Variants in PRKN observed in about 807,000 individuals in gnomAD.
PRKN encodes the protein E3 ubiquitin-protein ligase parkin.
In PRKN, 56 loss-of-function variants were observed where a neutral mutation model predicts 59.5. The observed-to-expected ratio is 0.94, with a 90% CI of 0.76 to 1.18. The LOEUF (loss-of-function observed/expected upper bound fraction) is 1.18. Ranked by LOEUF, PRKN falls within the 50% of genes most tolerant of loss-of-function variation. PRKN has a pLI of 0.00. For synonymous variants in PRKN, 250 were observed against 222.1 expected (o/e 1.13, Z -1.12); for missense variants, 657 against 596.4 (o/e 1.10, Z -1.06).
At chr6:162,462,033 T>C (rs1791203145) in intron 1 of PRKN, among the ~76,000 whole-genome samples, 1 of 151,838 alleles carries the variant, frequency 6.6e-6, no homozygotes, top group Admixed American at 6.6e-5. Flanking sequence ...AGCCATGAGG[T>C]TGTCAGTATT....
intron 2 of PRKN, among the ~76,000 whole-genome samples, chr6:162,337,959 T>C (rs1452587856): frequency 1.3e-5 from 2 of 152,144 alleles, no homozygotes; most frequent in Non-Finnish European, 2.9e-5. Flanking sequence ...TATTTCATTA[T>C]AACATATTAT....
chr6:162,223,661 A>ACACACACACACAC lies in PRKN; in HGVS notation c.413-22410_413-22409insGTGTGTGTGTGTG, dbSNP rs11452001. 2.7e-3 allele frequency among the ~76,000 whole-genome samples: 165 copies of ACACACACACACAC among 60,792 alleles called. 1 individual carries two copies. The highest frequency in any genetic ancestry group is 0.011 in the African/African-American group (159 of 14,070). 39.9% of individuals were successfully genotyped at this position (60,792 alleles called of 152,430 possible). A position where few individuals can be genotyped will look rare whatever the true frequency, so the allele number is the denominator to read the frequency against. On this transcript the variant is annotated intron_variant, in intron 3 of 11. Coordinates refer to ENST00000366898, the MANE Select transcript of PRKN (RefSeq NM_004562.3). Reference sequence around the variant, plus strand: ...CACACACACACACACACACACACACAAACATAATGCTCCAGAAACAGCACA... The same window carrying ACACACACACACAC: ...CACACACACACACACACACACACACACACACACACACACAACATAATGCTCCAGAAACAGCACA...
intron 4 of PRKN, among the ~76,000 whole-genome samples, chr6:162,197,604 C>G (rs150301485): frequency 1.0e-3 from 153 of 152,236 alleles, no homozygotes; most frequent in African/African-American, 3.5e-3. Context: ...ATTTTTCACT[C>G]CTGGCTTCGA....
chr6:162,449,465 A>G lies in PRKN; in HGVS notation c.8-5992T>C, dbSNP rs148476063. On this transcript the variant is annotated intron_variant, in intron 1 of 11. Transcript: ENST00000366898. ...ATAGCTCAATGTTAAGTGACCTTGC[A>G]TGTGCAATTTCATCTTCATTGGGTT... 2.6e-5 allele frequency among the ~76,000 whole-genome samples: 4 copies of G among 152,322 alleles called. No homozygotes were observed. The East Asian group carries it at 7.7e-4, about 29-fold the overall frequency.
At chr6:162,611,961 G>A (rs10945853) in intron 1 of PRKN, among the ~76,000 whole-genome samples, 4,131 of 151,810 alleles carry the variant, frequency 0.027, 174 homozygotes, top group African/African-American at 0.087. Context: ...CAAGGCGGGC[G>A]TATCATAAGG....
chr6:162,289,889 A>G (rs1389178353), intron 2 of PRKN, among the ~76,000 whole-genome samples: 2 of 152,092 alleles, frequency 1.3e-5, no homozygotes, highest in Non-Finnish European at 2.9e-5. Context: ...GAAAGGAAGA[A>G]CCTTGAATGT....
chr6:161,714,739 C>T (rs759369623), intron 7 of PRKN, among the ~76,000 whole-genome samples: 1 of 152,144 alleles, frequency 6.6e-6, no homozygotes, highest in Non-Finnish European at 1.5e-5. Flanking sequence ...CTCAAATGAA[C>T]ACACAGAGAT....
chr6:162,240,164 G>A (rs574238201), intron 3 of PRKN, among the ~76,000 whole-genome samples: 4 of 152,250 alleles, frequency 2.6e-5, no homozygotes, highest in East Asian at 3.9e-4. Context: ...TCAAGGAGTC[G>A]GGGGAAGCTC....
chr6:161,521,640 A>ACATTTACTAATGTGTAT, intron 9 of PRKN, among the ~76,000 whole-genome samples: 1 of 152,214 alleles, frequency 6.6e-6, no homozygotes, highest in African/African-American at 2.4e-5. Flanking sequence ...TTAAGATAGC[A>ACATTTACTAATGTGTAT]ACACTTTATT....
At chr6:162,088,931 A>G (rs1779363389) in intron 4 of PRKN, among the ~76,000 whole-genome samples, 1 of 152,196 alleles carries the variant, frequency 6.6e-6, no homozygotes, top group Non-Finnish European at 1.5e-5. Context: ...AAGAGGCCTA[A>G]TGCAAGGGAT....
chr6:162,284,215 C>CTTTTTTTTTTTTTTTT (rs35609309), intron 2 of PRKN, among the ~76,000 whole-genome samples: 3 of 75,678 alleles, frequency 4.0e-5, no homozygotes, highest in Non-Finnish European at 5.0e-5. Flanking sequence ...TTATTTCTTT[C>CTTTTTTTTTTTTTTTT]TTTTTTTTTT....
intron 1 of PRKN, among the ~76,000 whole-genome samples, chr6:162,613,715 T>A (rs1782285446): frequency 6.6e-6 from 1 of 152,188 alleles, no homozygotes; most frequent in Non-Finnish European, 1.5e-5. Flanking sequence ...TTGAAAGTCA[T>A]CCTTCCTGAG....
chr6:161,774,382 GCACACACACACACACACACA>G lies in PRKN; in HGVS notation c.871+11370_871+11389del, dbSNP rs3220723. Among the ~76,000 whole-genome samples the G allele has an allele frequency of 4.1e-3, 541 of 131,028 alleles. 3 individuals carry two copies. The highest frequency in any genetic ancestry group is 0.018 in the East Asian group (80 of 4,434). The allele number at this position is 131,028 out of a possible 152,430, so 86.0% of individuals were successfully genotyped here. On this transcript the variant is annotated intron_variant, in intron 7 of 11. Coordinates refer to ENST00000366898, the MANE Select transcript of PRKN (RefSeq NM_004562.3). The stretch of plus-strand genomic sequence containing the variant: ...CTCCCCCATCCTTTCTACTCCCTGA[GCACACACACACACACACACA>G]CACACACACACACACACACACACAC...
At chr6:162,048,783 C>T (rs960599840) in intron 5 of PRKN, among the ~76,000 whole-genome samples, 3 of 150,646 alleles carry the variant, frequency 2.0e-5, no homozygotes, top group Non-Finnish European at 4.4e-5. Context: ...ACATTCAAAG[C>T]TATCCTGGGC....
chr6:162,080,425 G>C (rs1361645176), intron 4 of PRKN, among the ~76,000 whole-genome samples: 1 of 152,050 alleles, frequency 6.6e-6, no homozygotes, highest in African/African-American at 2.4e-5. Context: ...GAGATACTGT[G>C]GGTTCAGTTA....
intron 7 of PRKN, among the ~76,000 whole-genome samples, chr6:161,685,349 T>C (rs1201135580): frequency 6.6e-6 from 1 of 152,162 alleles, no homozygotes; most frequent in African/African-American, 2.4e-5. Flanking sequence ...TTCTCCAGAA[T>C]CAGATCCAAC....
rs1348271257 is a variant in PRKN, at chr6:161,480,985, T to C, written c.1083+67869A>G. ...GCGCTTCACAGCCACGAAGAGGGGG[T>C]TCCTGAGGGAAGCACGAGACGCGGG... is the stretch of plus-strand genomic sequence containing the variant. On this transcript the variant is annotated intron_variant, in intron 9 of 11. Coordinates refer to ENST00000366898, the MANE Select transcript of PRKN (RefSeq NM_004562.3). The surrounding 1 kb of genome is among the most constrained non-coding windows in gnomAD (Gnocchi z 4.1). Among the ~76,000 whole-genome samples the C allele has an allele frequency of 6.6e-6, 1 of 151,668 alleles. No individual in the cohort carries two copies. The highest frequency in any genetic ancestry group is 2.4e-5 in the African/African-American group (1 of 41,278).
Position 162,256,848 on chromosome 6 carries a change from T to C in PRKN, c.412+5677A>G, listed in dbSNP as rs550906458. Among the ~76,000 whole-genome samples, 3 of 152,262 alleles carry C rather than the reference T, an allele frequency of 2.0e-5. No individual in the cohort carries two copies. The East Asian group carries it at 5.8e-4, about 29-fold the overall frequency. On this transcript the variant is annotated intron_variant, in intron 3 of 11. Transcript: ENST00000366898. ...CACAATATGACCTTGCAGAGGTGAC[T>C]TCAGAAAAATCAAAACATTTTGAGG...
At chr6:161,952,692 A>G (rs1348733515) in intron 6 of PRKN, among the ~76,000 whole-genome samples, 1 of 152,222 alleles carries the variant, frequency 6.6e-6, no homozygotes, top group Non-Finnish European at 1.5e-5. Flanking sequence ...TGAGCAATGG[A>G]ACAGAAGTAA....
Sources: allele counts gnomAD v4.1 joint callset (sites outside exome capture counted in the v4.1 genomes callset), GRCh38; gene constraint gnomAD v4.1.1; non-coding constraint Gnocchi (gnomAD v3.1); transcripts MANE v1.5; gene names NCBI Gene and HGNC (gene_info 2026-07-23, HGNC 2026-07-21).